The following DOCK2 variants were observed in gnomAD, a reference collection of about 807,000 sequenced individuals.
DOCK2 encodes dedicator of cytokinesis 2.
DOCK2 carries 87 observed loss-of-function variants against 248.9 expected under a neutral mutation model. The observed-to-expected ratio is 0.35, with a 90% CI of 0.29 to 0.42. DOCK2 has a LOEUF of 0.42. Among genes scored for constraint, DOCK2 ranks in the 10% least tolerant of loss-of-function variants. The pLI is 1.00. For missense variants in DOCK2, 1,747 were observed against 2,300.2 expected, an observed-to-expected ratio of 0.76 and a Z score of 4.92; for synonymous variants, 805 against 821.6, an observed-to-expected ratio of 0.98 and a Z score of 0.35.
intron 27 of DOCK2, among the ~76,000 whole-genome samples, chr5:169,957,930 A>G (rs1205541957): frequency 6.6e-6 from 1 of 152,216 alleles, no homozygotes; most frequent in Admixed American, 6.5e-5. Context: ...GGAGGTTTCC[A>G]GTGGGAAGTC....
At chr5:169,640,061 C>T (rs901510386) in intron 1 of DOCK2, among the ~76,000 whole-genome samples, 2 of 152,240 alleles carry the variant, frequency 1.3e-5, no homozygotes, top group African/African-American at 4.8e-5. Flanking sequence ...CTGTCTCTTC[C>T]TCCTGTCATG....
chr5:169,736,789 A>C (rs1305908907), intron 22 of DOCK2, among the ~76,000 whole-genome samples: 1 of 152,174 alleles, frequency 6.6e-6, no homozygotes, highest in Non-Finnish European at 1.5e-5. Context: ...TGGGCCATAA[A>C]ACTTAGTTTC....
intron 34 of DOCK2, among the ~76,000 whole-genome samples, chr5:170,032,489 C>G (rs978986329): frequency 2.0e-5 from 3 of 152,128 alleles, no homozygotes; most frequent in African/African-American, 7.2e-5. Flanking sequence ...GTGACCAGGG[C>G]TGAGAACCTC....
At chr5:169,705,990 G>A (rs974647969) in intron 14 of DOCK2, among the ~76,000 whole-genome samples, 6 of 152,250 alleles carry the variant, frequency 3.9e-5, no homozygotes, top group Non-Finnish European at 1.5e-5. Flanking sequence ...TTATGGAACA[G>A]TGTTATTTGA....
At chr5:169,647,226 GC>G (rs1757517983) in intron 1 of DOCK2, among the ~76,000 whole-genome samples, 1 of 152,220 alleles carries the variant, frequency 6.6e-6, no homozygotes, top group Non-Finnish European at 1.5e-5. Context: ...TCAGCACAGA[GC>G]AGGTGCTCAG....
chr5:169,961,249 A>G (rs1409870180), intron 27 of DOCK2, among the ~76,000 whole-genome samples: 5 of 152,258 alleles, frequency 3.3e-5, no homozygotes, highest in African/African-American at 4.8e-5. Context: ...TTCCACACCT[A>G]GGATAAATGC....
intron 26 of DOCK2, among the ~76,000 whole-genome samples, chr5:169,835,259 G>GTTTTTTT (rs763950012): frequency 3.6e-5 from 5 of 138,608 alleles, no homozygotes; most frequent in Non-Finnish European, 4.5e-5. Context: ...TGAAATGCCT[G>GTTTTTTT]GTTTTTTTTT....
chr5:169,845,609 C>T (rs890839835), intron 27 of DOCK2, among the ~76,000 whole-genome samples: 3 of 152,154 alleles, frequency 2.0e-5, no homozygotes, highest in Non-Finnish European at 4.4e-5. Context: ...GATTGCTCTT[C>T]CTTATTCAAC....
intron 23 of DOCK2, among the ~76,000 whole-genome samples, chr5:169,754,620 G>A (rs887095276): frequency 1.3e-5 from 2 of 152,080 alleles, no homozygotes; most frequent in African/African-American, 2.4e-5. Flanking sequence ...TAGCCTTCTC[G>A]CCCCTGCTGA....
intron 26 of DOCK2, among the ~76,000 whole-genome samples, chr5:169,815,789 T>C (rs1408445218): frequency 1.3e-5 from 2 of 152,228 alleles, no homozygotes; most frequent in East Asian, 1.9e-4. Flanking sequence ...AGTCCTCTTA[T>C]CAACACTGGC....
chr5:169,996,464 C>CA lies in DOCK2; in HGVS notation c.3072+300_3072+301insA, dbSNP rs1554124811. The stretch of plus-strand genomic sequence containing the variant: ...GTACCACCTTTTAAAAATGTATCAC[C>CA]TTTTTTTTACTTTTCTATTCTCTGG... On this transcript the variant is annotated intron_variant, in intron 30 of 51. Coordinates refer to ENST00000520908, the MANE Select transcript of DOCK2 (RefSeq NM_004946.3). 7.9e-5 allele frequency among the ~76,000 whole-genome samples: 12 copies of CA among 152,156 alleles called. No homozygotes were observed. In the South Asian group the frequency reaches 2.5e-3, roughly 32 times the overall value.
At chr5:169,826,242 A>G (rs563917257) in intron 26 of DOCK2, among the ~76,000 whole-genome samples, 22 of 152,272 alleles carry the variant, frequency 1.4e-4, no homozygotes, top group African/African-American at 5.3e-4. Flanking sequence ...TGGGTACTCA[A>G]AAAGAACAAG....
At chr5:169,780,701 C>G (rs982613374) in intron 25 of DOCK2, among the ~76,000 whole-genome samples, 2 of 152,140 alleles carry the variant, frequency 1.3e-5, no homozygotes, top group African/African-American at 4.8e-5. Context: ...GGACCAGTTG[C>G]CTTCATTGAA....
intron 9 of DOCK2, among the ~76,000 whole-genome samples, chr5:169,693,973 A>G (rs1760456221): frequency 6.6e-6 from 1 of 152,234 alleles, no homozygotes; most frequent in South Asian, 2.1e-4. Flanking sequence ...TCAGGTCTAC[A>G]AAATACCTTC....
At chr5:169,939,020 T>C (rs1377004561) in intron 27 of DOCK2, among the ~76,000 whole-genome samples, 1 of 151,670 alleles carries the variant, frequency 6.6e-6, no homozygotes, top group Non-Finnish European at 1.5e-5. Context: ...TCTCCTACCT[T>C]AGCCTCGGGA....
At chr5:169,819,815 G>T (rs1381698056) in intron 26 of DOCK2, among the ~76,000 whole-genome samples, 1 of 152,214 alleles carries the variant, frequency 6.6e-6, no homozygotes, top group African/African-American at 2.4e-5. Context: ...GCTGAGGCGG[G>T]GTGAGGCATC....
chr5:169,967,376 T>C (rs1347112332), intron 27 of DOCK2, among the ~76,000 whole-genome samples: 1 of 152,224 alleles, frequency 6.6e-6, no homozygotes, highest in Admixed American at 6.5e-5. Context: ...TGAACAATGC[T>C]TCTGGTAAAG....
chr5:169,706,490 T>C (rs766899749), intron 14 of DOCK2, among the ~76,000 whole-genome samples: 8 of 152,160 alleles, frequency 5.3e-5, no homozygotes, highest in Non-Finnish European at 1.2e-4. Flanking sequence ...ATGCTGACAG[T>C]AAGCATCAGA....
At chr5:169,875,334 G>C (rs751826555) in intron 27 of DOCK2, 13 of 456,654 alleles carry the variant, frequency 2.8e-5, no homozygotes, top group South Asian at 2.0e-4. Context: ...AGGAGGTTCC[G>C]ATGCAGATGG....
Sources: gnomAD v4.1 joint callset for allele counts (sites outside exome capture counted in the v4.1 genomes callset) on GRCh38, gnomAD v4.1.1 for gene constraint, MANE v1.5 for transcripts, NCBI Gene and HGNC (gene_info 2026-07-23, HGNC 2026-07-21) for gene names.